The following IL23R variants were observed in gnomAD, a reference collection of about 807,000 sequenced individuals.
IL23R encodes interleukin-23 receptor.
In IL23R, 34 loss-of-function variants were observed where a neutral mutation model predicts 56.9. That is an observed-to-expected ratio of 0.60 (90% CI 0.45 to 0.80). The LOEUF is 0.80. Ranked by LOEUF, IL23R falls within the 30% of genes least tolerant of loss-of-function variation. IL23R has a pLI of 0.00. For missense variants in IL23R, 635 were observed against 730.0 expected (o/e 0.87, Z 1.50); for synonymous variants, 230 against 249.2 (o/e 0.92, Z 0.73).
At chr1:67,193,284 T>C (rs149606444) in intron 4 of IL23R, among the ~76,000 whole-genome samples, 16 of 152,348 alleles carry the variant, frequency 1.1e-4, no homozygotes, top group Admixed American at 4.6e-4. Context: ...TACTCCGCTT[T>C]AGTTTTCTTC....
At chr1:67,191,089 T>C (rs1037872208) in intron 4 of IL23R, among the ~76,000 whole-genome samples, 1 of 152,212 alleles carries the variant, frequency 6.6e-6, no homozygotes, top group Non-Finnish European at 1.5e-5. Context: ...TGACTGATAC[T>C]GCTTTATATT....
intron 4 of IL23R, among the ~76,000 whole-genome samples, chr1:67,196,409 A>G (rs1648157550): frequency 6.6e-6 from 1 of 152,148 alleles, no homozygotes; most frequent in South Asian, 2.1e-4. Flanking sequence ...GCCTGGTGGC[A>G]CATGCCTGCG....
intron 9 of IL23R, among the ~76,000 whole-genome samples, chr1:67,247,337 T>C (rs957607778): frequency 6.6e-6 from 1 of 151,578 alleles, no homozygotes; most frequent in Admixed American, 6.6e-5. Context: ...GGAGTTTCAC[T>C]TTTGTTGCCC....
Position 67,205,943 on chromosome 1 carries a change from CT to C in IL23R, c.653-958del, listed in dbSNP as rs35963866. Among the ~76,000 whole-genome samples, 110 of 140,422 alleles carry C rather than the reference CT, an allele frequency of 7.8e-4. 2 individuals are homozygous for C. The highest frequency in any genetic ancestry group is 2.3e-3 in the African/African-American group (86 of 37,558). The allele number at this position is 140,422 out of a possible 152,430, so 92.1% of individuals were successfully genotyped here. A position where few individuals can be genotyped will look rare whatever the true frequency, so the allele number is the denominator to read the frequency against. On this transcript the variant is annotated intron_variant, in intron 5 of 10. Coordinates refer to ENST00000347310, the MANE Select transcript of IL23R (RefSeq NM_144701.3). Reference sequence around the variant, plus strand: ...TCTTTCTTTTTCTTTCTTTCTTTCTCTTTTTTTTTCTTTCTTTCTTTCTTGC... The same window carrying C: ...TCTTTCTTTTTCTTTCTTTCTTTCTCTTTTTTTTCTTTCTTTCTTTCTTGC...
At position 67,170,469 on chromosome 1, in the gene IL23R, T is replaced by C. The variant is rs368334466; in HGVS notation, c.367+831T>C. ...ATAATTATTAATTTATTTAAAAGCT[T>C]AGTCAAGTCAATCTTAAAAATATAC... On this transcript the variant is annotated intron_variant, in intron 3 of 10. Coordinates refer to ENST00000347310, the MANE Select transcript of IL23R (RefSeq NM_144701.3). Among the ~76,000 whole-genome samples the C allele has an allele frequency of 2.6e-5, 4 of 152,300 alleles. No homozygotes were observed. The East Asian group carries it at 5.8e-4, about 22-fold the overall frequency.
chr1:67,228,612 T>C (rs1650900863), intron 7 of IL23R, among the ~76,000 whole-genome samples: 1 of 152,146 alleles, frequency 6.6e-6, no homozygotes, highest in Admixed American at 6.5e-5. Flanking sequence ...TATCTTATAG[T>C]TCTGGAGGTG....
intron 3 of IL23R, among the ~76,000 whole-genome samples, chr1:67,180,618 C>T (rs1351324548): frequency 2.0e-5 from 3 of 152,166 alleles, no homozygotes; most frequent in Non-Finnish European, 4.4e-5. Context: ...AGCCCATTTA[C>T]ATTTAAGGTT....
At chr1:67,205,878 T>TCTTC (rs1648972535) in intron 5 of IL23R, among the ~76,000 whole-genome samples, 1 of 26,262 alleles carries the variant, frequency 3.8e-5, no homozygotes, top group Non-Finnish European at 8.0e-5. Context: ...CATCCATCTT[T>TCTTC]CTTTCTTTCT....
intron 7 of IL23R, 150 bp from the exon 8 acceptor site, chr1:67,236,563 G>T: frequency 1.5e-6 from 1 of 654,948 alleles, no homozygotes; most frequent in South Asian, 1.7e-5. Flanking sequence ...ACACATACTC[G>T]AAGACTATTG....
At chr1:67,244,166 T>C (rs952233971) in intron 9 of IL23R, among the ~76,000 whole-genome samples, 14 of 152,056 alleles carry the variant, frequency 9.2e-5, no homozygotes, top group African/African-American at 3.4e-4. Flanking sequence ...GGTTTGTTTG[T>C]TTTCTTGTAA....
At chr1:67,150,701 A>T (rs1175115403) in intron 1 of IL23R, among the ~76,000 whole-genome samples, 1 of 150,952 alleles carries the variant, frequency 6.6e-6, no homozygotes, top group Non-Finnish European at 1.5e-5. Flanking sequence ...CCAGATAGAG[A>T]TGTTGAATCA....
At chr1:67,261,561 G>A (rs1325332381), downstream of IL23R, among the ~76,000 whole-genome samples, 1 of 151,744 alleles carries the variant, frequency 6.6e-6, no homozygotes, top group Non-Finnish European at 1.5e-5. Flanking sequence ...AATCACTAAT[G>A]AAATGCTAAT....
chr1:67,212,821 C>G (rs185138068), intron 6 of IL23R, among the ~76,000 whole-genome samples: 2,693 of 152,260 alleles, frequency 0.018, 31 homozygotes, highest in Non-Finnish European at 0.027. Context: ...TCCCAAAGTG[C>G]TGGTATTACA....
At chr1:67,175,244 G>A (rs932676575) in intron 3 of IL23R, among the ~76,000 whole-genome samples, 3 of 152,136 alleles carry the variant, frequency 2.0e-5, no homozygotes, top group Non-Finnish European at 4.4e-5. Flanking sequence ...GGGCAGGAAT[G>A]GGGGTGGGAT....
At position 67,150,105 on chromosome 1, in the gene IL23R, T is replaced by A. The variant is rs77032279; in HGVS notation, c.-634+10944T>A. ...TAGTCTATATCTAATTTCTTGGTAA[T>A]CCCATTCATGCTTGTGGCTTTAAAT... On this transcript the variant is annotated intron_variant, in intron 1 of 10. Coordinates refer to the IL23R transcript ENST00000637002. 6.0e-3 allele frequency among the ~76,000 whole-genome samples: 907 copies of A among 152,254 alleles called. 23 individuals are homozygous for A. In the East Asian group the frequency reaches 0.088, roughly 15 times the overall value.
chr1:67,207,678 C>T (rs968916096), intron 6 of IL23R: 2 of 374,504 alleles, frequency 5.3e-6, no homozygotes, highest in South Asian at 2.1e-5. Flanking sequence ...GATTCTGAGG[C>T]CTTACCAGCC....
intron 9 of IL23R, among the ~76,000 whole-genome samples, chr1:67,250,971 A>G (rs1652567112): frequency 6.6e-6 from 1 of 152,244 alleles, no homozygotes; most frequent in African/African-American, 2.4e-5. Flanking sequence ...TGAGGAAAAC[A>G]GAGGGTTTTT....
intron 4 of IL23R, among the ~76,000 whole-genome samples, chr1:67,189,825 G>A (rs1647613512): frequency 6.6e-6 from 1 of 152,114 alleles, no homozygotes; most frequent in African/African-American, 2.4e-5. Context: ...CAGGCGTGTT[G>A]GCGGGTGCCT....
At chr1:67,261,992 A>G (rs1437325783), downstream of IL23R, among the ~76,000 whole-genome samples, 1 of 152,210 alleles carries the variant, frequency 6.6e-6, no homozygotes, top group African/African-American at 2.4e-5. Context: ...GTTGGTCCCA[A>G]TGGACTAGAA....
Sources: allele counts gnomAD v4.1 joint callset (sites outside exome capture counted in the v4.1 genomes callset), GRCh38; gene constraint gnomAD v4.1.1; transcripts MANE v1.5; gene names NCBI Gene and HGNC (gene_info 2026-07-23, HGNC 2026-07-21).